The following DDX4 variants were observed in gnomAD, a reference collection of about 807,000 sequenced individuals.
DDX4 encodes DEAD-box helicase 4, also known as probable ATP-dependent RNA helicase DDX4.
In DDX4, 25 loss-of-function variants were observed where a neutral mutation model predicts 100.0. The observed-to-expected ratio is 0.25, with a 90% CI of 0.18 to 0.35. The LOEUF is 0.35. Among genes scored for constraint, DDX4 ranks in the 10% least tolerant of loss-of-function variants. The pLI is 1.00. For missense variants in DDX4, 635 were observed against 882.4 expected (o/e 0.72, Z 3.55); for synonymous variants, 259 against 275.7 (o/e 0.94, Z 0.60).
intron 3 of DDX4, among the ~76,000 whole-genome samples, chr5:55,758,112 ACT>A (rs963689531): frequency 1.3e-5 from 2 of 151,916 alleles, no homozygotes; most frequent in African/African-American, 2.4e-5. Context: ...TTATGAACAA[ACT>A]CTCATCATTC....
chr5:55,763,671 G>C (rs548823549), intron 5 of DDX4, among the ~76,000 whole-genome samples: 3 of 152,246 alleles, frequency 2.0e-5, no homozygotes, highest in Admixed American at 1.3e-4. Context: ...AAGAGATTGA[G>C]TTTGTAAAAT....
intron 17 of DDX4, among the ~76,000 whole-genome samples, chr5:55,797,840 TC>T (rs1007816765): frequency 2.6e-5 from 4 of 152,220 alleles, no homozygotes; most frequent in African/African-American, 9.6e-5. Flanking sequence ...TTCCGCTATG[TC>T]CCTGGGCCTT....
intron 7 of DDX4, among the ~76,000 whole-genome samples, chr5:55,771,934 A>C (rs1014629822): frequency 6.6e-6 from 1 of 152,178 alleles, no homozygotes; most frequent in African/African-American, 2.4e-5. Flanking sequence ...AGAATAGTAC[A>C]TACAGATAGG....
chr5:55,790,926 A>C (rs192125828), intron 16 of DDX4, among the ~76,000 whole-genome samples: 63 of 152,328 alleles, frequency 4.1e-4, no homozygotes, highest in African/African-American at 1.4e-3. Context: ...GAGATTATGT[A>C]ATTTATTTTA....
chr5:55,768,486 C>T (rs903798143), intron 7 of DDX4, among the ~76,000 whole-genome samples: 1 of 152,148 alleles, frequency 6.6e-6, no homozygotes, highest in East Asian at 1.9e-4. Flanking sequence ...CCTAGTATTC[C>T]ATGGCGCATA....
intron 8 of DDX4, among the ~76,000 whole-genome samples, chr5:55,780,762 G>A (rs1334947202): frequency 6.6e-6 from 1 of 152,058 alleles, no homozygotes; most frequent in African/African-American, 2.4e-5. Context: ...TCATATTTTG[G>A]CATAGCACTG....
chr5:55,760,832 T>A (rs1452589634), intron 4 of DDX4, among the ~76,000 whole-genome samples: 2 of 152,206 alleles, frequency 1.3e-5, no homozygotes, highest in African/African-American at 4.8e-5. Flanking sequence ...ATTAACATGC[T>A]AGAAATATGT....
intron 7 of DDX4, among the ~76,000 whole-genome samples, chr5:55,778,885 C>A (rs1030970654): frequency 4.4e-5 from 2 of 45,662 alleles, no homozygotes; most frequent in South Asian, 1.1e-3. Flanking sequence ...CAGAGTGAGA[C>A]TTCGCCTCAA....
At chr5:55,794,449 C>T (rs1038227170) in intron 17 of DDX4, among the ~76,000 whole-genome samples, 9 of 151,812 alleles carry the variant, frequency 5.9e-5, no homozygotes, top group Non-Finnish European at 1.2e-4. Flanking sequence ...ATCTGCCCAC[C>T]TCAGCCTCCC....
At chr5:55,739,457 ACAT>A (rs1272069906) in intron 2 of DDX4, among the ~76,000 whole-genome samples, 1 of 152,228 alleles carries the variant, frequency 6.6e-6, no homozygotes, top group African/African-American at 2.4e-5. Flanking sequence ...TGAGTTGGTA[ACAT>A]CAGTTTGTAT....
intron 15 of DDX4, among the ~76,000 whole-genome samples, chr5:55,788,675 A>G (rs576719351): frequency 2.6e-5 from 4 of 152,272 alleles, no homozygotes; most frequent in Admixed American, 6.5e-5. Flanking sequence ...TAAATTGCCC[A>G]TGTGTATACA....
At position 55,805,767 on chromosome 5, in the gene DDX4, A is replaced by T. The variant is rs574925363; in HGVS notation, c.1615+7196A>T. ...ATTTTTGCATCAATGTTCATCAGGG[A>T]TATTGGTCTAAAATTCTCTTTTTTT... On this transcript the variant is annotated intron_variant, in intron 18 of 21. Coordinates refer to ENST00000505374, the MANE Select transcript of DDX4 (RefSeq NM_024415.3). Among the ~76,000 whole-genome samples the T allele has an allele frequency of 2.0e-5, 3 of 152,242 alleles. No individual in the cohort carries two copies. In the South Asian group the frequency reaches 6.2e-4, roughly 32 times the overall value.
At chr5:55,810,261 C>A (rs1477170043) in intron 18 of DDX4, among the ~76,000 whole-genome samples, 1 of 152,074 alleles carries the variant, frequency 6.6e-6, no homozygotes, top group South Asian at 2.1e-4. Context: ...CCTGCCATCA[C>A]GCCTGGCTAA....
chr5:55,766,161 A>G (rs1740914474), intron 6 of DDX4, among the ~76,000 whole-genome samples: 1 of 151,954 alleles, frequency 6.6e-6, no homozygotes, highest in Admixed American at 6.6e-5. Flanking sequence ...TAATCTTGGT[A>G]TCATTATCTC....
intron 6 of DDX4, among the ~76,000 whole-genome samples, chr5:55,766,352 A>G (rs1740924036): frequency 6.6e-6 from 1 of 151,984 alleles, no homozygotes; most frequent in South Asian, 2.1e-4. Context: ...CTGTGATCAA[A>G]ATAACTGTAG....
At chr5:55,815,490 T>A (rs973338325) in intron 21 of DDX4, 67 bp downstream of exon 21, 1 of 1,539,530 alleles carries the variant, frequency 6.5e-7, no homozygotes, top group Admixed American at 2.2e-5. Context: ...TGCTTAATAT[T>A]GTGAAGTAAC....
intron 18 of DDX4, among the ~76,000 whole-genome samples, chr5:55,807,300 T>A (rs1295081870): frequency 2.6e-5 from 4 of 152,322 alleles, no homozygotes; most frequent in Admixed American, 1.3e-4. Flanking sequence ...TGTCTTTTAA[T>A]TGGAGCATTT....
chr5:55,812,844 T>C (rs1252043325), intron 18 of DDX4, among the ~76,000 whole-genome samples: 1 of 151,714 alleles, frequency 6.6e-6, no homozygotes, highest in Non-Finnish European at 1.5e-5. Context: ...CTCCCCATAG[T>C]GAAAGCAGGG....
At position 55,788,011 on chromosome 5, in the gene DDX4, C is replaced by T. The variant is rs753210862; in HGVS notation, c.1172+11C>T. ...AAAATTTTCTTTTGGGTAAGTACAT[C>T]AGAGTGCTACTCACAAAATAGTTTT... On this transcript the variant is annotated intron_variant, in intron 15 of 21. Coordinates refer to ENST00000505374, the MANE Select transcript of DDX4 (RefSeq NM_024415.3). The T allele has an allele frequency of 1.2e-6, 2 of 1,600,720 alleles. No individual in the cohort carries two copies. Among genetic ancestry groups the T allele is most frequent in the Middle Eastern group, 1.7e-4 (1 of 5,980 alleles).
Sources: allele counts gnomAD v4.1 joint callset (sites outside exome capture counted in the v4.1 genomes callset), GRCh38; gene constraint gnomAD v4.1.1; transcripts MANE v1.5; gene names NCBI Gene and HGNC (gene_info 2026-07-23, HGNC 2026-07-21).